KCNH1: variants seen among roughly 807,000 people sequenced by gnomAD.
The protein encoded by KCNH1 is voltage-gated delayed rectifier potassium channel KCNH1.
A neutral mutation model predicts 69.2 loss-of-function variants in KCNH1; 27 were observed. That is an observed-to-expected ratio of 0.39 (90% CI 0.29 to 0.54). The LOEUF is 0.54. Among genes scored for constraint, KCNH1 ranks in the 20% least tolerant of loss-of-function variants. KCNH1 has a pLI of 0.68. For missense variants in KCNH1, 798 were observed against 1,261.6 expected (o/e 0.63, Z 5.57); for synonymous variants, 456 against 487.7 (o/e 0.93, Z 0.86).
rs553047755 is a variant in KCNH1, at chr1:211,011,550, C to T, written c.1032+7233G>A. On this transcript the variant is annotated intron_variant, in intron 6 of 10. Transcript: ENST00000271751. ...TGGTTCTAGATCCTTGAGGAATTGC[C>T]ATGAGGAATCTTCTACAATGGTTGA... 3.3e-5 allele frequency among the ~76,000 whole-genome samples: 5 copies of T among 152,294 alleles called. No homozygotes were observed. The East Asian group carries it at 9.6e-4, about 29-fold the overall frequency.
chr1:210,700,999 G>C (rs1010704220), intron 10 of KCNH1, among the ~76,000 whole-genome samples: 7 of 152,062 alleles, frequency 4.6e-5, no homozygotes, highest in Middle Eastern at 3.4e-3. Context: ...GTGCAGTGGC[G>C]CGATCTCGGC....
intron 5 of KCNH1, among the ~76,000 whole-genome samples, chr1:211,041,716 C>A (rs577381147): frequency 6.6e-6 from 1 of 152,192 alleles, no homozygotes; most frequent in South Asian, 2.1e-4. Context: ...CTAATCTGAA[C>A]CCTTCTGACT....
At chr1:210,999,782 C>T (rs1378966281) in intron 6 of KCNH1, among the ~76,000 whole-genome samples, 1 of 152,150 alleles carries the variant, frequency 6.6e-6, no homozygotes, top group Admixed American at 6.5e-5. Flanking sequence ...ACTGGCAAAC[C>T]AAATCCAGCA....
intron 5 of KCNH1, among the ~76,000 whole-genome samples, chr1:211,082,459 C>G (rs1690875502): frequency 6.6e-6 from 1 of 152,136 alleles, no homozygotes; most frequent in Non-Finnish European, 1.5e-5. Context: ...ATGAATTGCT[C>G]TAATAACAAA....
At chr1:210,966,052 C>T (rs11800961) in intron 6 of KCNH1, among the ~76,000 whole-genome samples, 1,874 of 152,244 alleles carry the variant, frequency 0.012, 44 homozygotes, top group African/African-American at 0.043. Flanking sequence ...ACCAATGGAA[C>T]AGAATAGAGG....
chr1:210,930,577 G>T (rs1300830709), intron 6 of KCNH1, among the ~76,000 whole-genome samples: 1 of 151,970 alleles, frequency 6.6e-6, no homozygotes, highest in African/African-American at 2.4e-5. Flanking sequence ...AAACCATAAA[G>T]AGTCTAGAAG....
chr1:211,082,659 G>A (rs1271251315), intron 5 of KCNH1, 121 bp downstream of exon 5: 3 of 760,378 alleles, frequency 3.9e-6, no homozygotes, highest in African/African-American at 1.7e-5. Context: ...GCCCAGCCAA[G>A]ACAGGCGTCT....
At chr1:210,946,445 T>C (rs761130954) in intron 6 of KCNH1, among the ~76,000 whole-genome samples, 1 of 152,178 alleles carries the variant, frequency 6.6e-6, no homozygotes, top group Non-Finnish European at 1.5e-5. Context: ...CAACAAAAAC[T>C]AGGGCGCTTA....
At chr1:210,788,351 T>C (rs928181482) in intron 9 of KCNH1, among the ~76,000 whole-genome samples, 7 of 152,226 alleles carry the variant, frequency 4.6e-5, no homozygotes, top group Non-Finnish European at 8.8e-5. Context: ...CCACTTAAAG[T>C]TATATTTGAA....
chr1:210,821,300 T>G (rs1261700059), intron 7 of KCNH1, among the ~76,000 whole-genome samples: 1 of 152,298 alleles, frequency 6.6e-6, no homozygotes, highest in Middle Eastern at 3.4e-3. Context: ...ATTTAGTCCA[T>G]AGCAAAGAGT....
At chr1:210,698,627 G>A (rs1472800888) in intron 10 of KCNH1, among the ~76,000 whole-genome samples, 3 of 152,186 alleles carry the variant, frequency 2.0e-5, no homozygotes, top group Non-Finnish European at 2.9e-5. Context: ...GGAGCCCCAC[G>A]TCACCTGATA....
At chr1:210,885,215 C>A (rs926705854) in intron 7 of KCNH1, among the ~76,000 whole-genome samples, 2 of 152,212 alleles carry the variant, frequency 1.3e-5, no homozygotes, top group Non-Finnish European at 2.9e-5. Context: ...GTACCCGGCT[C>A]ATCTCACTGT....
intron 5 of KCNH1, among the ~76,000 whole-genome samples, chr1:211,031,352 C>A (rs1422668754): frequency 6.6e-6 from 1 of 152,106 alleles, no homozygotes; most frequent in African/African-American, 2.4e-5. Flanking sequence ...GAAACTATTC[C>A]AATCAATAGA....
intron 7 of KCNH1, among the ~76,000 whole-genome samples, chr1:210,911,875 C>T (rs1553358880): frequency 6.6e-6 from 1 of 152,174 alleles, no homozygotes; most frequent in South Asian, 2.1e-4. Flanking sequence ...TCTTCCACCC[C>T]TCTCCTGCAA....
rs139849071 is a variant in KCNH1 at position 210,785,013 on chromosome 1, AG to A, written c.1916-9470del. 3.8e-3 allele frequency among the ~76,000 whole-genome samples: 583 copies of A among 152,316 alleles called. 4 individuals carry two copies. The highest frequency in any genetic ancestry group is 0.013 in the African/African-American group (557 of 41,572). ...GGATCAGGCAGAATTCCAGTGATTC[AG>A]GGGGATAAAACAGAAGGCTAAGAGA... On this transcript the variant is annotated intron_variant, in intron 9 of 10. Transcript: ENST00000271751.
intron 6 of KCNH1, among the ~76,000 whole-genome samples, chr1:210,997,011 T>C (rs1245091472): frequency 6.6e-6 from 1 of 152,130 alleles, no homozygotes; most frequent in Non-Finnish European, 1.5e-5. Flanking sequence ...AACCCTTCCG[T>C]ACATCACCAT....
rs531183681 is a variant in KCNH1 at position 210,985,899 on chromosome 1, T to G, written c.1032+32884A>C. On this transcript the variant is annotated intron_variant, in intron 6 of 10. Transcript: ENST00000271751. ...ACAGTAGGGTGTTAAAGTCTCCCAT[T>G]ATTATTGTGTGGGAGTCTAAGTCTC... Among the ~76,000 whole-genome samples the G allele has an allele frequency of 2.0e-5, 3 of 152,308 alleles. No homozygotes were observed. In the South Asian group the frequency reaches 6.2e-4, roughly 32 times the overall value.
At chr1:210,836,136 T>C (rs1342678001) in intron 7 of KCNH1, among the ~76,000 whole-genome samples, 1 of 132,882 alleles carries the variant, frequency 7.5e-6, no homozygotes, top group East Asian at 2.1e-4. Flanking sequence ...AAAAAAAATT[T>C]CTATATTGGG....
At chr1:211,032,682 A>G (rs1228860247) in intron 5 of KCNH1, among the ~76,000 whole-genome samples, 1 of 152,222 alleles carries the variant, frequency 6.6e-6, no homozygotes, top group African/African-American at 2.4e-5. Flanking sequence ...TATTTAATAA[A>G]TGGTGCTGGG....
Sources: gnomAD v4.1 joint callset for allele counts (sites outside exome capture counted in the v4.1 genomes callset) on GRCh38, gnomAD v4.1.1 for gene constraint, MANE v1.5 for transcripts, NCBI Gene and HGNC (gene_info 2026-07-23, HGNC 2026-07-21) for gene names.